CDC42SE2: variants seen among roughly 807,000 people sequenced by gnomAD.
CDC42SE2 encodes the protein CDC42 small effector 2.
CDC42SE2 carries 3 observed loss-of-function variants against 11.5 expected under a neutral mutation model. The observed-to-expected ratio is 0.26, with a 90% CI of 0.12 to 0.67. The LOEUF is 0.67. CDC42SE2 is among the 30% of genes least tolerant of loss of function. The pLI, the probability that CDC42SE2 is intolerant of heterozygous loss-of-function variation, is 0.80. For synonymous variants in CDC42SE2, 33 were observed against 34.8 expected, an observed-to-expected ratio of 0.95 and a Z score of 0.18; for missense variants, 82 against 106.8, an observed-to-expected ratio of 0.77 and a Z score of 1.02.
chr5:131,372,465 G>C (rs11748507), intron 3 of CDC42SE2, among the ~76,000 whole-genome samples: 1 of 152,198 alleles, frequency 6.6e-6, no homozygotes, highest in African/African-American at 2.4e-5. Context: ...TGTAATCCCA[G>C]CACTTTGGGA....
At chr5:131,251,524 T>C in intron 1 of CDC42SE2, among the ~76,000 whole-genome samples, 1 of 152,256 alleles carries the variant, frequency 6.6e-6, no homozygotes, top group Non-Finnish European at 1.5e-5. Context: ...ACATGCTTTT[T>C]AGTAAGATAG....
the CDC42SE2 span, among the ~76,000 whole-genome samples, chr5:131,231,405 C>G: frequency 6.6e-6 from 1 of 152,098 alleles, no homozygotes; most frequent in African/African-American, 2.4e-5. Flanking sequence ...TATCCCAACT[C>G]TATCAGATCA....
At chr5:131,214,167 A>G in the CDC42SE2 span, among the ~76,000 whole-genome samples, 463 of 152,350 alleles carry the variant, frequency 3.0e-3, 3 homozygotes, top group African/African-American at 0.01. Flanking sequence ...AGTGTCTTAA[A>G]GAAATAACCA....
At chr5:131,349,856 T>G (rs931180293) in intron 2 of CDC42SE2, among the ~76,000 whole-genome samples, 3 of 152,212 alleles carry the variant, frequency 2.0e-5, no homozygotes, top group African/African-American at 7.2e-5. Context: ...AAAAATTTAA[T>G]ATACTATTAT....
upstream of CDC42SE2, among the ~76,000 whole-genome samples, chr5:131,259,013 A>G (rs1195311390): frequency 6.6e-6 from 1 of 152,142 alleles, no homozygotes; most frequent in Non-Finnish European, 1.5e-5. Context: ...TTGCCTTCCT[A>G]TCTTTGGCTG....
chr5:131,379,776 C>T (rs912649444), intron 3 of CDC42SE2, among the ~76,000 whole-genome samples: 1 of 152,104 alleles, frequency 6.6e-6, no homozygotes, highest in South Asian at 2.1e-4. Flanking sequence ...AACAAAGTTT[C>T]CTATAAAGAA....
At chr5:131,252,382 G>A (rs1429383731) in intron 1 of CDC42SE2, among the ~76,000 whole-genome samples, 5 of 152,186 alleles carry the variant, frequency 3.3e-5, no homozygotes, top group African/African-American at 9.6e-5. Flanking sequence ...GGCCAGTTGC[G>A]GTGGCTCACG....
At position 131,358,684 on chromosome 5, in the gene CDC42SE2, T is replaced by G. The variant is rs150238970; in HGVS notation, c.-285-525T>G. 3.2e-3 allele frequency among the ~76,000 whole-genome samples: 493 copies of G among 152,266 alleles called. 3 individuals are homozygous for G. Among genetic ancestry groups the G allele is most frequent in the African/African-American group, 0.011 (471 of 41,546 alleles). ...GCTCGATTCACAGAAGAAAGCCAAC[T>G]TAACCTCTACCCATTTTTCATGTAC... is the stretch of plus-strand genomic sequence containing the variant. On this transcript the variant is annotated intron_variant, in intron 2 of 4. Coordinates refer to ENST00000505065, the MANE Select transcript of CDC42SE2 (RefSeq NM_001375635.1).
intron 1 of CDC42SE2, among the ~76,000 whole-genome samples, chr5:131,283,758 G>T (rs1393283984): frequency 2.0e-5 from 3 of 152,072 alleles, no homozygotes; most frequent in African/African-American, 7.2e-5. Flanking sequence ...CTGCCAAAGT[G>T]CTGGGATTAC....
At chr5:131,254,199 C>T (rs1270522575) in intron 1 of CDC42SE2, among the ~76,000 whole-genome samples, 1 of 152,166 alleles carries the variant, frequency 6.6e-6, no homozygotes, top group Non-Finnish European at 1.5e-5. Flanking sequence ...CGCACCTCCC[C>T]CCAGCAGGCC....
chr5:131,350,558 T>G (rs1023235520), intron 2 of CDC42SE2, among the ~76,000 whole-genome samples: 1 of 151,864 alleles, frequency 6.6e-6, no homozygotes, highest in African/African-American at 2.4e-5. Context: ...TTTAACGCCC[T>G]GATATGAACG....
chr5:131,235,804 G>A, the CDC42SE2 span, among the ~76,000 whole-genome samples: 4 of 151,536 alleles, frequency 2.6e-5, no homozygotes, highest in South Asian at 2.1e-4. Context: ...TATGTTGGCC[G>A]GGCTGCTCTC....
At chr5:131,221,946 T>C in the CDC42SE2 span, among the ~76,000 whole-genome samples, 4 of 152,256 alleles carry the variant, frequency 2.6e-5, no homozygotes, top group African/African-American at 9.6e-5. Context: ...CATTGATTCA[T>C]ATGTATACCT....
chr5:131,295,906 C>T (rs550619181), intron 1 of CDC42SE2, among the ~76,000 whole-genome samples: 1 of 151,950 alleles, frequency 6.6e-6, no homozygotes, highest in African/African-American at 2.4e-5. Context: ...AGGGTGGTCT[C>T]GACCTCCTGA....
At chr5:131,301,999 A>G (rs1446944817) in intron 1 of CDC42SE2, among the ~76,000 whole-genome samples, 3 of 151,584 alleles carry the variant, frequency 2.0e-5, no homozygotes. Flanking sequence ...TTCTTTTTTT[A>G]TCTTATTTTA....
chr5:131,268,534 C>A (rs1054931127), intron 1 of CDC42SE2, among the ~76,000 whole-genome samples: 29 of 151,662 alleles, frequency 1.9e-4, no homozygotes, highest in Non-Finnish European at 3.1e-4. Flanking sequence ...CTCACTGCAA[C>A]CTCCACCTCC....
chr5:131,326,929 T>G (rs1018271107), intron 2 of CDC42SE2, among the ~76,000 whole-genome samples: 1 of 152,186 alleles, frequency 6.6e-6, no homozygotes, highest in Admixed American at 6.5e-5. Context: ...TTATTAAGAT[T>G]GCTATGTTAG....
intron 3 of CDC42SE2, among the ~76,000 whole-genome samples, chr5:131,360,463 T>C (rs1416754392): frequency 6.6e-6 from 1 of 152,178 alleles, no homozygotes; most frequent in Non-Finnish European, 1.5e-5. Context: ...GTTACTTACA[T>C]AAAAATTGCC....
intron 3 of CDC42SE2, among the ~76,000 whole-genome samples, chr5:131,361,881 C>G (rs188730634): frequency 2.0e-5 from 3 of 152,074 alleles, no homozygotes; most frequent in Non-Finnish European, 4.4e-5. Context: ...CTTGTGCAGG[C>G]GTGTTCCCTC....
Sources: gnomAD v4.1 joint callset for allele counts (sites outside exome capture counted in the v4.1 genomes callset) on GRCh38, gnomAD v4.1.1 for gene constraint, MANE v1.5 for transcripts, NCBI Gene and HGNC (gene_info 2026-07-23, HGNC 2026-07-21) for gene names.